The following VPS13D variants were observed in gnomAD, a reference collection of about 807,000 sequenced individuals.
VPS13D encodes the protein intermembrane lipid transfer protein VPS13D.
VPS13D carries 187 observed loss-of-function variants against 461.9 expected under a neutral mutation model. The ratio of observed to expected loss-of-function variants is 0.40; its 90% confidence interval spans 0.36 to 0.46. The LOEUF (loss-of-function observed/expected upper bound fraction) is 0.46, where lower values mean the gene tolerates loss of function less well. Ranked by LOEUF, VPS13D falls within the 20% of genes least tolerant of loss-of-function variation. The probability of loss-of-function intolerance (pLI) is 0.60; values close to 1 mark genes in which losing one functional copy is unlikely to be tolerated. For synonymous variants in VPS13D, 1,951 were observed against 1,986.3 expected (o/e 0.98, Z 0.47); for missense variants, 4,711 against 5,364.9 (o/e 0.88, Z 3.81).
At chr1:12,492,229 C>G (rs1034390336) in intron 67 of VPS13D, among the ~76,000 whole-genome samples, 2 of 152,254 alleles carry the variant, frequency 1.3e-5, no homozygotes, top group Non-Finnish European at 1.5e-5. Context: ...GCAGGATCTG[C>G]AGCTACTCCA....
rs761988034 is a variant in VPS13D at position 12,257,076 on chromosome 1, G to A, written c.930G>A (p.Ala310=). The stretch of plus-strand genomic sequence containing the variant: ...TCCGAAGGTGGAAACCCAAGGTGGC[G>A]ATATCTAAGAAGTAAGGGCTTCTCA... The part of the protein sequence containing the change: ...VKFRRWKPKV[A]ISKNCREWWY... Residue 310 remains alanine, a synonymous_variant, in exon 9 of 70, where the codon GCG becomes GCA. Coordinates refer to ENST00000620676, the MANE Select transcript of VPS13D (RefSeq NM_015378.4). 2.7e-5 allele frequency: 44 copies of A among 1,613,932 alleles called. No homozygotes were observed. Among genetic ancestry groups the A allele is most frequent in the South Asian group, 1.1e-4 (10 of 91,076 alleles).
intron 24 of VPS13D, among the ~76,000 whole-genome samples, chr1:12,298,411 G>A (rs1224674423): frequency 1.3e-5 from 2 of 152,098 alleles, no homozygotes; most frequent in African/African-American, 2.4e-5. Context: ...AGGCCAAGAC[G>A]GGTGGATCAC....
chr1:12,340,375 A>G (rs1643542631), intron 40 of VPS13D, among the ~76,000 whole-genome samples: 2 of 152,166 alleles, frequency 1.3e-5, no homozygotes, highest in South Asian at 2.1e-4. Context: ...CCCCTGAACC[A>G]TCGTTGTTAT....
intron 65 of VPS13D, among the ~76,000 whole-genome samples, chr1:12,433,683 T>C (rs1645021921): frequency 6.6e-6 from 1 of 152,094 alleles, no homozygotes; most frequent in Admixed American, 6.5e-5. Context: ...CTATTGCCAA[T>C]GGGCACCTGC....
intron 44 of VPS13D, among the ~76,000 whole-genome samples, chr1:12,347,567 T>G (rs1403433667): frequency 6.6e-6 from 1 of 152,192 alleles, no homozygotes; most frequent in Non-Finnish European, 1.5e-5. Flanking sequence ...ATGCCTAGGA[T>G]TGTGTCCTTC....
At chr1:12,426,886 C>A (rs556718982) in intron 65 of VPS13D, among the ~76,000 whole-genome samples, 5 of 151,888 alleles carry the variant, frequency 3.3e-5, no homozygotes, top group African/African-American at 1.2e-4. Flanking sequence ...TGGTGGCAGG[C>A]GCCTGTAATC....
intron 22 of VPS13D, among the ~76,000 whole-genome samples, chr1:12,290,721 T>TA (rs753945712): frequency 0.015 from 1,989 of 134,988 alleles, 44 homozygotes; most frequent in African/African-American, 0.046. Flanking sequence ...AGACTCTGTC[T>TA]AAAAAAAAAA....
chr1:12,234,220 A>C lies in VPS13D; in HGVS notation c.-47A>C, dbSNP rs1335608138. ...TTCTGTGACCATGAAAGAGAGAAATAAAGAATGATCCATGATTTCTAAACA... is the reference window on the plus strand; with the variant it reads ...TTCTGTGACCATGAAAGAGAGAAATCAAGAATGATCCATGATTTCTAAACA... On this transcript the variant is annotated 5_prime_UTR_variant, in exon 2 of 70. Coordinates refer to ENST00000620676, the MANE Select transcript of VPS13D (RefSeq NM_015378.4). The C allele has an allele frequency of 7.6e-7, 1 of 1,309,008 alleles. No individual in the cohort carries two copies. The allele number at this position is 1,309,008 out of a possible 1,614,324, so 81.1% of individuals were successfully genotyped here.
chr1:12,419,161 G>T (rs1406895676), intron 65 of VPS13D, among the ~76,000 whole-genome samples: 1 of 152,162 alleles, frequency 6.6e-6, no homozygotes, highest in Non-Finnish European at 1.5e-5. Flanking sequence ...AAGGCCTGGG[G>T]GCAGTGATAA....
intron 62 of VPS13D, among the ~76,000 whole-genome samples, chr1:12,403,188 A>G (rs1020187299): frequency 3.9e-5 from 6 of 152,260 alleles, no homozygotes; most frequent in African/African-American, 1.4e-4. Context: ...TGCATACAGC[A>G]TCAAGTGCAA....
At chr1:12,478,689 A>G (rs1645669326) in intron 67 of VPS13D, 1 of 437,216 alleles carries the variant, frequency 2.3e-6, no homozygotes, top group Non-Finnish European at 4.7e-6. Context: ...GAGAGGGTCA[A>G]GGCACGGTGA....
At position 12,276,031 on chromosome 1, in the gene VPS13D, G is replaced by C. The variant is rs770031353; in HGVS notation, c.2443G>C (p.Glu815Gln). The C allele has an allele frequency of 6.2e-7, 1 of 1,614,108 alleles. No individual in the cohort carries two copies. Among genetic ancestry groups the C allele is most frequent in the Admixed American group, 1.7e-5 (1 of 60,002 alleles). Reference sequence around the variant, plus strand: ...ACATTTAATGAGCACAAAGATGTATGAGAGGTACTCGCTGTCATTTATGGA... The same window carrying C: ...ACATTTAATGAGCACAAAGATGTATCAGAGGTACTCGCTGTCATTTATGGA... ...QAHLMSTKMYERYSLSFMDLQ... is the reference protein window; with the variant it reads ...QAHLMSTKMYQRYSLSFMDLQ... Residue 815 changes from glutamate to glutamine, a missense_variant, in exon 19 of 70, where the codon GAG becomes CAG. By Grantham distance (29) the Glu-to-Gln change is conservative (BLOSUM62 2). Transcript: ENST00000620676. This position sits in a 1 kb window ranked among gnomAD's most constrained non-coding sequence, Gnocchi z 4.5.
At chr1:12,318,763 A>G (rs1362883352) in intron 31 of VPS13D, among the ~76,000 whole-genome samples, 1 of 151,982 alleles carries the variant, frequency 6.6e-6, no homozygotes, top group African/African-American at 2.4e-5. Flanking sequence ...CAAAAAGAAT[A>G]TTTTTCTTTG....
intron 65 of VPS13D, among the ~76,000 whole-genome samples, chr1:12,435,553 T>A (rs1645048900): frequency 1.3e-5 from 2 of 152,152 alleles, no homozygotes. Flanking sequence ...ATTTGTTTAA[T>A]CCTCATAACG....
intron 30 of VPS13D, among the ~76,000 whole-genome samples, chr1:12,317,103 GT>G (rs1642909169): frequency 6.6e-6 from 1 of 151,338 alleles, no homozygotes; most frequent in African/African-American, 2.4e-5. Flanking sequence ...GGGCTGTCAG[GT>G]CAGTTTCAAT....
chr1:12,423,938 T>G (rs527447140), intron 65 of VPS13D, among the ~76,000 whole-genome samples: 1 of 152,344 alleles, frequency 6.6e-6, no homozygotes, highest in East Asian at 1.9e-4. Context: ...ATGCACTGAG[T>G]GAGTCCCTGC....
At chr1:12,402,754 T>A (rs1305735641) in intron 62 of VPS13D, 1 of 152,240 alleles carries the variant, frequency 6.6e-6, no homozygotes, top group Non-Finnish European at 1.5e-5. Context: ...TAAATTTGAT[T>A]CGACATGCTT....
intron 3 of VPS13D, 127 bp from the exon 4 acceptor site, chr1:12,244,116 CTGT>C: frequency 1.2e-6 from 1 of 848,710 alleles, no homozygotes; most frequent in Admixed American, 3.0e-5. Context: ...AGCCTGCTGC[CTGT>C]TGTTTTAAAT....
intron 14 of VPS13D, among the ~76,000 whole-genome samples, chr1:12,267,436 C>T (rs776218621): frequency 7.2e-5 from 11 of 151,998 alleles, no homozygotes; most frequent in South Asian, 2.1e-4. Context: ...ACGTTATTAA[C>T]GATAAGATCT....
Sources: gnomAD v4.1 joint callset for allele counts (sites outside exome capture counted in the v4.1 genomes callset) on GRCh38, gnomAD v4.1.1 for gene constraint, Gnocchi (gnomAD v3.1) non-coding constraint, MANE v1.5 for transcripts, NCBI Gene and HGNC (gene_info 2026-07-23, HGNC 2026-07-21) for gene names.